The following RBPJ variants were observed in gnomAD, a reference collection of about 807,000 sequenced individuals.
RBPJ encodes recombining binding protein suppressor of hairless.
Under a neutral mutation model 67.8 loss-of-function variants are expected in RBPJ, and 9 were observed. The ratio of observed to expected loss-of-function variants is 0.13; its 90% CI spans 0.08 to 0.23. RBPJ has a LOEUF of 0.23. Ranked by LOEUF, RBPJ falls within the 10% of genes least tolerant of loss-of-function variation. The pLI is 1.00. For synonymous variants in RBPJ, 198 were observed against 203.3 expected (o/e 0.97, Z 0.22); for missense variants, 305 against 595.6 (o/e 0.51, Z 5.08).
At chr4:26,244,218 T>C (rs1719764494) in intron 1 of RBPJ, among the ~76,000 whole-genome samples, 1 of 149,516 alleles carries the variant, frequency 6.7e-6, no homozygotes, top group African/African-American at 2.4e-5. Flanking sequence ...TATACACATA[T>C]GTGTACACAT....
chr4:26,159,805 T>C (rs1299513440), upstream of RBPJ, among the ~76,000 whole-genome samples: 1 of 152,146 alleles, frequency 6.6e-6, no homozygotes, highest in Non-Finnish European at 1.5e-5. Flanking sequence ...GCTGGCCAAG[T>C]GGCTCTTCCA....
intron 1 of RBPJ, among the ~76,000 whole-genome samples, chr4:26,266,805 A>T (rs10017379): frequency 3.3e-5 from 5 of 152,322 alleles, no homozygotes; most frequent in African/African-American, 1.2e-4. Flanking sequence ...TCAAGAGCAG[A>T]TATTACTGGT....
chr4:26,238,734 C>T (rs936971048), intron 1 of RBPJ, among the ~76,000 whole-genome samples: 1 of 152,042 alleles, frequency 6.6e-6, no homozygotes, highest in Non-Finnish European at 1.5e-5. Flanking sequence ...GTCATAATTC[C>T]GGAGAGCTTC....
At chr4:26,166,429 ATCT>A (rs1176831874) in intron 1 of RBPJ, among the ~76,000 whole-genome samples, 1 of 143,598 alleles carries the variant, frequency 7.0e-6, no homozygotes, top group East Asian at 2.0e-4. Context: ...GTGAGATGGT[ATCT>A]CATTGTGGTT....
At chr4:26,115,038 A>C in the RBPJ span, among the ~76,000 whole-genome samples, 949 of 152,318 alleles carry the variant, frequency 6.2e-3, 9 homozygotes, top group Non-Finnish European at 0.011. Context: ...ATCTACTGCT[A>C]CTGCACGTCT....
chr4:26,334,260 C>T (rs1257904957), intron 1 of RBPJ, among the ~76,000 whole-genome samples: 3 of 151,778 alleles, frequency 2.0e-5, no homozygotes, highest in African/African-American at 4.8e-5. Flanking sequence ...AGGTTGGTTT[C>T]GAACTCCTGA....
chr4:26,255,659 A>G lies in RBPJ; in HGVS notation c.-167+92045A>G, dbSNP rs375524939. Among the ~76,000 whole-genome samples the G allele has an allele frequency of 8.8e-3, 1,286 of 146,096 alleles. 14 individuals carry two copies. The highest frequency in any genetic ancestry group is 0.026 in the East Asian group (126 of 4,806). The stretch of plus-strand genomic sequence containing the variant: ...CTACTAAAAATACAAAAAATTAGCC[A>G]GGCGTGGTGGCAGGTGCCTGTAGTC... On this transcript the variant is annotated intron_variant, in intron 1 of 4. Transcript: ENST00000512351.
At chr4:26,358,534 G>A (rs1727654560) in intron 1 of RBPJ, among the ~76,000 whole-genome samples, 1 of 151,192 alleles carries the variant, frequency 6.6e-6, no homozygotes, top group African/African-American at 2.4e-5. Context: ...CAGCAGTTTG[G>A]GAGGCCAAGG....
chr4:26,415,061 T>C (rs922682860), intron 3 of RBPJ, among the ~76,000 whole-genome samples: 1 of 152,222 alleles, frequency 6.6e-6, no homozygotes, highest in East Asian at 1.9e-4. Flanking sequence ...ATAATAGTAA[T>C]GTCACTCATT....
Position 26,191,210 on chromosome 4 carries a change from TAG to T in RBPJ, c.-167+27626_-167+27627del, listed in dbSNP as rs545388933. On this transcript the variant is annotated intron_variant, in intron 1 of 4. Coordinates refer to the RBPJ transcript ENST00000512351. ...ATATATATATATATATATATATATA[TAG>T]AGAGAGAGAGAGAGAGAGAGAGAGA... 6.0e-3 allele frequency among the ~76,000 whole-genome samples: 160 copies of T among 26,806 alleles called. 1 individual carries two copies. The highest frequency in any genetic ancestry group is 8.0e-3 in the African/African-American group (59 of 7,366). 17.6% of individuals were successfully genotyped at this position (26,806 alleles called of 152,430 possible). A position where few individuals can be genotyped will look rare whatever the true frequency, so the allele number is the denominator to read the frequency against.
upstream of RBPJ, among the ~76,000 whole-genome samples, chr4:26,315,167 A>AAAAATAT (rs1325689348): frequency 2.5e-3 from 188 of 74,674 alleles, no homozygotes; most frequent in Non-Finnish European, 3.7e-3. Flanking sequence ...AAAAAAAAAA[A>AAAAATAT]ATATATATAT....
chr4:26,149,229 G>A, the RBPJ span, among the ~76,000 whole-genome samples: 1 of 152,204 alleles, frequency 6.6e-6, no homozygotes, highest in South Asian at 2.1e-4. Flanking sequence ...AGAATCTCAA[G>A]TTTAAATAAC....
At chr4:26,214,193 AAAGG>A (rs988514136) in intron 1 of RBPJ, among the ~76,000 whole-genome samples, 4 of 150,216 alleles carry the variant, frequency 2.7e-5, no homozygotes, top group Admixed American at 6.6e-5. Context: ...GAAAGAAAGA[AAAGG>A]AAGGAAGGAG....
chr4:26,353,442 C>T (rs917250802), intron 1 of RBPJ, among the ~76,000 whole-genome samples: 2 of 152,300 alleles, frequency 1.3e-5, no homozygotes, highest in South Asian at 2.1e-4. Context: ...AGTTACTTCA[C>T]AACTTTAACC....
intron 1 of RBPJ, among the ~76,000 whole-genome samples, chr4:26,347,247 G>T (rs1463564147): frequency 2.0e-5 from 3 of 152,160 alleles, no homozygotes. Flanking sequence ...GAGCTCAAGA[G>T]AGAGAGGTCA....
intron 1 of RBPJ, among the ~76,000 whole-genome samples, chr4:26,277,422 C>A (rs969988783): frequency 6.6e-6 from 1 of 152,216 alleles, no homozygotes; most frequent in Non-Finnish European, 1.5e-5. Flanking sequence ...TGGCTCCTCA[C>A]CCCCACCAGA....
the RBPJ span, among the ~76,000 whole-genome samples, chr4:26,155,187 A>G: frequency 6.6e-6 from 1 of 152,346 alleles, no homozygotes; most frequent in East Asian, 1.9e-4. Flanking sequence ...CCCAACCATT[A>G]CTTATTACAT....
intron 1 of RBPJ, among the ~76,000 whole-genome samples, chr4:26,297,832 A>C (rs1721933039): frequency 6.6e-6 from 1 of 152,064 alleles, no homozygotes; most frequent in Non-Finnish European, 1.5e-5. Context: ...TGAGAAAAAA[A>C]CAAAAAACAA....
At chr4:26,257,698 C>T (rs186627812) in intron 1 of RBPJ, among the ~76,000 whole-genome samples, 9 of 152,350 alleles carry the variant, frequency 5.9e-5, no homozygotes, top group African/African-American at 2.2e-4. Context: ...ACATCACCTA[C>T]TCATTTGTCT....
Sources: allele counts gnomAD v4.1 joint callset (sites outside exome capture counted in the v4.1 genomes callset), GRCh38; gene constraint gnomAD v4.1.1; transcripts MANE v1.5; gene names NCBI Gene and HGNC (gene_info 2026-07-23, HGNC 2026-07-21).